RHOA: variants seen among roughly 807,000 people sequenced by gnomAD.
RHOA encodes the protein transforming protein RhoA.
RHOA carries 3 observed loss-of-function variants against 17.5 expected under a neutral mutation model. That is an observed-to-expected ratio of 0.17 (90% CI 0.08 to 0.44). The LOEUF is 0.44. Ranked by LOEUF, RHOA falls within the 20% of genes least tolerant of loss-of-function variation. The pLI is 0.99. For synonymous variants in RHOA, 98 were observed against 88.4 expected (o/e 1.11, Z -0.61); for missense variants, 56 against 242.3 (o/e 0.23, Z 5.10).
Position 49,360,160 on chromosome 3 carries a change from AACAGC to A in RHOA, c.*44_*48del. 1.9e-6 allele frequency: 3 copies of A among 1,548,006 alleles called. No homozygotes were observed. The highest frequency in any genetic ancestry group is 2.6e-6 in the Non-Finnish European group (3 of 1,141,966). On this transcript the variant is annotated 3_prime_UTR_variant, in exon 5 of 5. Transcript: ENST00000418115. ...CAGTAATCATACACTAAGATTAATA[AACAGC>A]ACTTCAAAATTAACCGCATAAGGGC...
chr3:49,395,802 A>G (rs1259407055), intron 1 of RHOA, among the ~76,000 whole-genome samples: 1 of 152,126 alleles, frequency 6.6e-6, no homozygotes, highest in Non-Finnish European at 1.5e-5. Context: ...AAACTATGGC[A>G]AGGGTATGAG....
chr3:49,408,202 A>G (rs1412330636), intron 1 of RHOA, among the ~76,000 whole-genome samples: 1 of 149,184 alleles, frequency 6.7e-6, no homozygotes, highest in Non-Finnish European at 1.5e-5. Context: ...ACACACACAT[A>G]CACACACGTA....
chr3:49,399,839 T>TA (rs2048692234), intron 1 of RHOA, among the ~76,000 whole-genome samples: 1 of 152,128 alleles, frequency 6.6e-6, no homozygotes, highest in Non-Finnish European at 1.5e-5. Context: ...GTAGGGACTT[T>TA]AAAAGATTTA....
chr3:49,382,700 A>G (rs780624427), intron 1 of RHOA, among the ~76,000 whole-genome samples: 16 of 152,186 alleles, frequency 1.1e-4, no homozygotes, highest in Non-Finnish European at 2.1e-4. Flanking sequence ...GCTTTTGCCC[A>G]AAGTCAAACA....
At chr3:49,367,684 G>C (rs2048081892) in intron 3 of RHOA, among the ~76,000 whole-genome samples, 1 of 151,780 alleles carries the variant, frequency 6.6e-6, no homozygotes, top group Non-Finnish European at 1.5e-5. Flanking sequence ...ACCACACCCA[G>C]CTAATTTTTG....
At chr3:49,400,323 C>T (rs1323638735) in intron 1 of RHOA, among the ~76,000 whole-genome samples, 6 of 151,546 alleles carry the variant, frequency 4.0e-5, no homozygotes, top group Non-Finnish European at 5.9e-5. Flanking sequence ...CCTCCTGTTT[C>T]TATAAGGAGA....
chr3:49,370,067 G>A (rs1236563960), intron 2 of RHOA, among the ~76,000 whole-genome samples: 4 of 151,126 alleles, frequency 2.6e-5, no homozygotes, highest in Non-Finnish European at 5.9e-5. Flanking sequence ...TGGCCAACAA[G>A]AGCGAAACTC....
chr3:49,385,856 G>A (rs998968653), intron 1 of RHOA, among the ~76,000 whole-genome samples: 2 of 152,068 alleles, frequency 1.3e-5, no homozygotes, highest in Non-Finnish European at 2.9e-5. Context: ...CCCCCCAACT[G>A]GATGGTCCTG....
Position 49,401,345 on chromosome 3 carries a change from C to T in RHOA, c.-3+10475G>A, listed in dbSNP as rs1222565604. 5.9e-5 allele frequency among the ~76,000 whole-genome samples: 9 copies of T among 152,002 alleles called. No individual in the cohort carries two copies. In the East Asian group the frequency reaches 9.7e-4, roughly 16 times the overall value. On this transcript the variant is annotated intron_variant, in intron 1 of 4. Coordinates refer to ENST00000418115, the MANE Select transcript of RHOA (RefSeq NM_001664.4). ...ACCAGTCTGGGCAATACAGTGAGAC[C>T]TCATCTCTCAAAAAAATATGAAAAC...
intron 1 of RHOA, among the ~76,000 whole-genome samples, chr3:49,388,520 T>C (rs2048439727): frequency 6.6e-6 from 1 of 152,206 alleles, no homozygotes; most frequent in African/African-American, 2.4e-5. Context: ...CCATCATATG[T>C]TCTTCAGATG....
At chr3:49,366,671 T>C (rs770008635) in intron 3 of RHOA, 1 of 152,244 alleles carries the variant, frequency 6.6e-6, no homozygotes, top group Admixed American at 6.5e-5. Flanking sequence ...ATACGTGCTC[T>C]TTCTCTGTCC....
At chr3:49,410,342 G>A (rs2048912473) in intron 1 of RHOA, among the ~76,000 whole-genome samples, 1 of 152,126 alleles carries the variant, frequency 6.6e-6, no homozygotes, top group Non-Finnish European at 1.5e-5. Flanking sequence ...AGTCCTGAAA[G>A]ATTCCTCTTA....
chr3:49,370,870 A>G (rs1014373853), intron 2 of RHOA, among the ~76,000 whole-genome samples: 3 of 152,132 alleles, frequency 2.0e-5, no homozygotes, highest in Non-Finnish European at 4.4e-5. Context: ...TTCACAGCCC[A>G]AATTTCAGTT....
At chr3:49,367,641 C>CCT (rs2048080778) in intron 3 of RHOA, among the ~76,000 whole-genome samples, 1 of 151,872 alleles carries the variant, frequency 6.6e-6, no homozygotes, top group Admixed American at 6.6e-5. Flanking sequence ...CCTGCCTCAG[C>CCT]CCCTGGAATA....
At chr3:49,380,846 C>G (rs569799700) in intron 1 of RHOA, among the ~76,000 whole-genome samples, 2 of 151,114 alleles carry the variant, frequency 1.3e-5, no homozygotes, top group Non-Finnish European at 3.0e-5. Flanking sequence ...ACAATGAAAA[C>G]AAAACAAAAA....
At chr3:49,365,748 A>G (rs2048045088) in intron 3 of RHOA, among the ~76,000 whole-genome samples, 1 of 151,240 alleles carries the variant, frequency 6.6e-6, no homozygotes, top group East Asian at 2.0e-4. Flanking sequence ...ATGCCACCAT[A>G]CTTGGCTAAG....
chr3:49,374,748 A>C lies in RHOA; in HGVS notation c.156+686T>G, dbSNP rs568320037. On this transcript the variant is annotated intron_variant, in intron 2 of 4. Transcript: ENST00000418115. ...AACAACAAAACAAAACAAAAAAAAA[A>C]CACATATGCTAAGGACACCATGTCA... Among the ~76,000 whole-genome samples, 9 of 152,156 alleles carry C rather than the reference A, an allele frequency of 5.9e-5. No individual in the cohort carries two copies. In the East Asian group the frequency reaches 7.7e-4, roughly 13 times the overall value.
intron 1 of RHOA, among the ~76,000 whole-genome samples, chr3:49,405,093 CAA>C (rs72492742): frequency 2.2e-5 from 3 of 133,922 alleles, no homozygotes; most frequent in African/African-American, 2.7e-5. Flanking sequence ...ACTAAAAATA[CAA>C]AAAAAAAAAA....
chr3:49,378,143 C>A (rs1029841922), intron 1 of RHOA, among the ~76,000 whole-genome samples: 6 of 134,078 alleles, frequency 4.5e-5, no homozygotes, highest in Non-Finnish European at 9.2e-5. Context: ...AGCACTCCAG[C>A]CTGGGCAACA....
Sources: gnomAD v4.1 joint callset for allele counts (sites outside exome capture counted in the v4.1 genomes callset) on GRCh38, gnomAD v4.1.1 for gene constraint, MANE v1.5 for transcripts, NCBI Gene and HGNC (gene_info 2026-07-23, HGNC 2026-07-21) for gene names.